The following LIMD1 variants were observed in gnomAD, a reference collection of about 807,000 sequenced individuals.
LIMD1 encodes LIM domain containing 1.
In LIMD1, 23 loss-of-function variants were observed where a neutral mutation model predicts 58.4. The observed-to-expected ratio is 0.39, with a 90% CI of 0.28 to 0.56. LIMD1 has a LOEUF of 0.56. Ranked by LOEUF, LIMD1 falls within the 20% of genes least tolerant of loss-of-function variation. The pLI is 0.57. For synonymous variants in LIMD1, 334 were observed against 345.5 expected (o/e 0.97, Z 0.37); for missense variants, 838 against 855.5 (o/e 0.98, Z 0.25).
At chr3:45,660,563 G>A (rs1051042369) in intron 2 of LIMD1, among the ~76,000 whole-genome samples, 6 of 152,140 alleles carry the variant, frequency 3.9e-5, no homozygotes, top group Admixed American at 2.0e-4. Flanking sequence ...TTATAGGCGC[G>A]TGCCACCATG....
Position 45,673,852 on chromosome 3 carries a change from T to C in LIMD1, c.1824+347T>C, listed in dbSNP as rs868665850. On this transcript the variant is annotated intron_variant, in intron 6 of 7. Transcript: ENST00000273317. Reference sequence around the variant, plus strand: ...CTGCAGCGAGCTATGATGGTGCTACTGCATTCCAGCAGGTGACAGCAAGAC... The same window carrying C: ...CTGCAGCGAGCTATGATGGTGCTACCGCATTCCAGCAGGTGACAGCAAGAC... The C allele has an allele frequency of 9.9e-5, 30 of 303,090 alleles. 1 individual carries two copies. The South Asian group carries it at 1.5e-3, about 15-fold the overall frequency. The allele number at this position is 303,090 out of a possible 1,614,324, so 18.8% of individuals were successfully genotyped here. A position where few individuals can be genotyped will look rare whatever the true frequency, so the allele number is the denominator to read the frequency against.
At chr3:45,614,509 G>A (rs1701558540) in intron 1 of LIMD1, among the ~76,000 whole-genome samples, 1 of 151,820 alleles carries the variant, frequency 6.6e-6, no homozygotes, top group African/African-American at 2.4e-5. Flanking sequence ...GATTGCTTGA[G>A]CTTAGAGATT....
chr3:45,654,473 A>G lies in LIMD1; in HGVS notation c.1511-11177A>G, dbSNP rs190826646. Among the ~76,000 whole-genome samples the G allele has an allele frequency of 2.7e-3, 412 of 152,260 alleles. 1 individual carries two copies. The highest frequency in any genetic ancestry group is 9.6e-3 in the African/African-American group (397 of 41,558). On this transcript the variant is annotated intron_variant, in intron 2 of 7. Coordinates refer to ENST00000273317, the MANE Select transcript of LIMD1 (RefSeq NM_014240.3). Reference sequence around the variant, plus strand: ...TAACTCTTGTTTCCTTTGTTAAACTACACCGGCTTTATCAGATGCATTTTT... The same window carrying G: ...TAACTCTTGTTTCCTTTGTTAAACTGCACCGGCTTTATCAGATGCATTTTT...
intron 1 of LIMD1, among the ~76,000 whole-genome samples, chr3:45,601,995 T>G (rs1407507034): frequency 6.7e-6 from 1 of 150,092 alleles, no homozygotes; most frequent in Non-Finnish European, 1.5e-5. Context: ...CAGGATGGAG[T>G]GCAGTGGCGC....
At chr3:45,652,565 A>C (rs941545019) in intron 2 of LIMD1, among the ~76,000 whole-genome samples, 3 of 152,136 alleles carry the variant, frequency 2.0e-5, no homozygotes, top group African/African-American at 7.2e-5. Context: ...GATGCTGTTA[A>C]ATTATTTAGG....
At chr3:45,649,904 C>T (rs1575359422) in intron 2 of LIMD1, among the ~76,000 whole-genome samples, 1 of 110,156 alleles carries the variant, frequency 9.1e-6, no homozygotes. Flanking sequence ...AATCTGATAT[C>T]TCTATTCTCT....
At chr3:45,673,341 C>A in intron 5 of LIMD1, 113 bp from the exon 6 acceptor site, 1 of 803,074 alleles carries the variant, frequency 1.2e-6, no homozygotes, top group Non-Finnish European at 2.2e-6. Flanking sequence ...GGGAGGAGAG[C>A]AAGGGGCAGG....
In LIMD1 at chr3:45,677,253, A is replaced by G. The variant is rs1697684393; in HGVS notation, c.*194A>G. 1 of 564,912 alleles carries G rather than the reference A, an allele frequency of 1.8e-6. No individual in the cohort carries two copies. Among genetic ancestry groups the G allele is most frequent in the African/African-American group, 1.9e-5 (1 of 52,824 alleles). 35.0% of individuals were successfully genotyped at this position (564,912 alleles called of 1,614,324 possible). On this transcript the variant is annotated 3_prime_UTR_variant, in exon 8 of 8. Coordinates refer to ENST00000273317, the MANE Select transcript of LIMD1 (RefSeq NM_014240.3). ...ACCTGCCTCCTGCGTGTATTTTCCA[A>G]GTGCTTTTCTCTGTTGCCACATTTT...
At position 45,685,903 on chromosome 3, in the gene LIMD1, A is replaced by G. The variant is rs139322983; in HGVS notation, c.*8844A>G. The G allele has an allele frequency of 0.024, 3,639 of 152,196 alleles. 58 individuals are homozygous for G. Among genetic ancestry groups the G allele is most frequent in the Non-Finnish European group, 0.04 (2,746 of 68,024 alleles). 9.4% of individuals were successfully genotyped at this position (152,196 alleles called of 1,614,324 possible). ...ATCACCTAGCCTTGTTTCCACCTGA[A>G]TTGACTCTCCCTTAGCTAAGACAGC... On this transcript the variant is annotated 3_prime_UTR_variant, in exon 8 of 8. Transcript: ENST00000273317.
At chr3:45,672,410 C>G (rs1021611651) in intron 4 of LIMD1, among the ~76,000 whole-genome samples, 1 of 152,134 alleles carries the variant, frequency 6.6e-6, no homozygotes, top group African/African-American at 2.4e-5. Flanking sequence ...GTTTCCTGTT[C>G]TGGGTGAGGG....
chr3:45,674,717 G>A (rs2068430), intron 7 of LIMD1, among the ~76,000 whole-genome samples: 15,687 of 152,178 alleles, frequency 0.1, 886 homozygotes, highest in East Asian at 0.15. Flanking sequence ...TCCTATCTGC[G>A]GGCCACATTG....
At chr3:45,639,959 G>T (rs777656821) in intron 2 of LIMD1, among the ~76,000 whole-genome samples, 4 of 152,188 alleles carry the variant, frequency 2.6e-5, no homozygotes, top group African/African-American at 9.7e-5. Context: ...CACCATGCCC[G>T]GCCAGAGGTT....
chr3:45,666,047 A>G (rs1200572292), intron 3 of LIMD1, among the ~76,000 whole-genome samples: 4 of 152,010 alleles, frequency 2.6e-5, no homozygotes, highest in African/African-American at 9.7e-5. Flanking sequence ...CTGGGGATCT[A>G]GCTTCTCCCA....
At chr3:45,615,483 T>A (rs547134704) in intron 1 of LIMD1, among the ~76,000 whole-genome samples, 7 of 152,246 alleles carry the variant, frequency 4.6e-5, no homozygotes, top group Middle Eastern at 3.4e-3. Flanking sequence ...ACTAAGTAAT[T>A]TCTGGCTGGG....
At chr3:45,648,916 G>A (rs569471277) in intron 2 of LIMD1, among the ~76,000 whole-genome samples, 1 of 152,082 alleles carries the variant, frequency 6.6e-6, no homozygotes, top group Non-Finnish European at 1.5e-5. Flanking sequence ...TTTTTACTTG[G>A]ATTGTCTTTT....
intron 2 of LIMD1, among the ~76,000 whole-genome samples, chr3:45,655,638 A>T (rs1226961648): frequency 1.3e-5 from 2 of 152,142 alleles, no homozygotes; most frequent in African/African-American, 4.8e-5. Flanking sequence ...CCCTTCCCAC[A>T]CTTACTAAGT....
At position 45,608,364 on chromosome 3, in the gene LIMD1, C is replaced by T. The variant is rs114126465; in HGVS notation, c.1408+12077C>T. Among the ~76,000 whole-genome samples the T allele has an allele frequency of 7.5e-3, 1,138 of 152,248 alleles. 12 individuals carry two copies. The highest frequency in any genetic ancestry group is 0.026 in the African/African-American group (1,083 of 41,544). Reference sequence around the variant, plus strand: ...TGGTTTAGGGAGAACTTGCTTCGGACACCTTGTGTGTATGGGCGGGGGCAT... The same window carrying T: ...TGGTTTAGGGAGAACTTGCTTCGGATACCTTGTGTGTATGGGCGGGGGCAT... On this transcript the variant is annotated intron_variant, in intron 1 of 7. Coordinates refer to ENST00000273317, the MANE Select transcript of LIMD1 (RefSeq NM_014240.3).
chr3:45,676,949 G>A lies in LIMD1; in HGVS notation c.1921G>A (p.Asp641Asn). Residue 641 changes from aspartate to asparagine, a missense_variant, in exon 8 of 8, where the codon GAT becomes AAT. This residue lies in a region of LIMD1 where 174 missense variants were observed against 197.4 expected (regional missense o/e 0.88). Transcript: ENST00000273317. ...CTGTGGTCTGGAGCTCAATGATGAA[G>A]ATGGCCACCGCTGTTATCCGCTGGA... ...EDCGLELNDEDGHRCYPLEDH... is the reference protein window; with the variant it reads ...EDCGLELNDENGHRCYPLEDH... 6.2e-7 allele frequency: 1 copy of A among 1,614,108 alleles called. No individual in the cohort carries two copies. Among genetic ancestry groups the A allele is most frequent in the Non-Finnish European group, 8.5e-7 (1 of 1,179,964 alleles).
chr3:45,627,474 T>C (rs1701677936), intron 1 of LIMD1, among the ~76,000 whole-genome samples: 1 of 152,208 alleles, frequency 6.6e-6, no homozygotes, highest in Admixed American at 6.5e-5. Context: ...TAGCACCGTG[T>C]TGGCACTTGT....
Sources: allele counts gnomAD v4.1 joint callset (sites outside exome capture counted in the v4.1 genomes callset), GRCh38; gene constraint gnomAD v4.1.1; regional missense constraint gnomAD v4.1.1; transcripts MANE v1.5; gene names NCBI Gene and HGNC (gene_info 2026-07-23, HGNC 2026-07-21).